DPYD: variants seen among roughly 807,000 people sequenced by gnomAD.
DPYD encodes the protein dihydropyrimidine dehydrogenase.
In DPYD, 109 loss-of-function variants were observed where a neutral mutation model predicts 116.2. That is an observed-to-expected ratio of 0.94 (90% confidence interval 0.80 to 1.10). The LOEUF is 1.10. Among genes scored for constraint, DPYD ranks in the 50% least tolerant of loss-of-function variants. The probability of loss-of-function intolerance (pLI) is 0.00; values close to 1 mark genes in which losing one functional copy is unlikely to be tolerated. For missense variants in DPYD, 1,302 were observed against 1,254.5 expected, an observed-to-expected ratio of 1.04 and a Z score of -0.57; for synonymous variants, 440 against 432.0, an observed-to-expected ratio of 1.02 and a Z score of -0.23.
At chr1:97,585,531 G>C (rs1654031346) in intron 10 of DPYD, among the ~76,000 whole-genome samples, 1 of 152,030 alleles carries the variant, frequency 6.6e-6, no homozygotes, top group African/African-American at 2.4e-5. Flanking sequence ...TGAAAAGGTA[G>C]AATGGAATTT....
At chr1:97,720,239 T>C (rs918558266) in intron 5 of DPYD, 2 of 984,806 alleles carry the variant, frequency 2.0e-6, no homozygotes, top group African/African-American at 3.5e-5. Context: ...ATCATTTTAA[T>C]TCATTTTGTT....
chr1:97,496,906 T>TA (rs1187631129), intron 13 of DPYD, among the ~76,000 whole-genome samples: 1 of 151,958 alleles, frequency 6.6e-6, no homozygotes, highest in Admixed American at 6.6e-5. Flanking sequence ...TAAAATACTA[T>TA]AAAAATACAA....
At chr1:97,222,065 G>T (rs1660814870) in intron 19 of DPYD, among the ~76,000 whole-genome samples, 1 of 152,054 alleles carries the variant, frequency 6.6e-6, no homozygotes, top group Non-Finnish European at 1.5e-5. Flanking sequence ...ACAATGTTTA[G>T]AAAGTAATAT....
chr1:97,262,671 A>G (rs924155908), intron 18 of DPYD, among the ~76,000 whole-genome samples: 1 of 152,054 alleles, frequency 6.6e-6, no homozygotes, highest in African/African-American at 2.4e-5. Flanking sequence ...CTTTTACCAG[A>G]AGCTATATAA....
intron 1 of DPYD, among the ~76,000 whole-genome samples, chr1:97,909,861 T>G (rs1008443869): frequency 1.3e-5 from 2 of 152,112 alleles, no homozygotes; most frequent in Non-Finnish European, 2.9e-5. Context: ...TACTTTCAGC[T>G]GCCTACGTGG....
chr1:97,584,521 T>C (rs1348803697), intron 10 of DPYD, among the ~76,000 whole-genome samples: 1 of 152,154 alleles, frequency 6.6e-6, no homozygotes, highest in Non-Finnish European at 1.5e-5. Context: ...CTAGGTCTTC[T>C]TCCAGGGTTT....
intron 8 of DPYD, among the ~76,000 whole-genome samples, chr1:97,662,872 CA>C (rs531399162): frequency 1.9e-3 from 296 of 152,254 alleles, no homozygotes; most frequent in Non-Finnish European, 3.6e-3. Flanking sequence ...GTGAATATCA[CA>C]CTCTGTGGAA....
chr1:97,510,806 T>A (rs185489245), intron 13 of DPYD, among the ~76,000 whole-genome samples: 73 of 152,056 alleles, frequency 4.8e-4, no homozygotes, highest in African/African-American at 1.5e-3. Context: ...CTTTGGAGTC[T>A]TTGTGTCAAG....
chr1:97,677,269 G>A (rs886346956), intron 8 of DPYD, among the ~76,000 whole-genome samples: 2 of 152,068 alleles, frequency 1.3e-5, no homozygotes, highest in Admixed American at 1.3e-4. Flanking sequence ...AAGATTCTTT[G>A]TAGATGAAGT....
At chr1:97,564,646 T>A (rs544192938) in intron 11 of DPYD, among the ~76,000 whole-genome samples, 5 of 152,278 alleles carry the variant, frequency 3.3e-5, no homozygotes, top group Admixed American at 6.5e-5. Context: ...ATCTGTGAGT[T>A]CTGTCAGCAC....
chr1:97,515,322 T>C (rs1474158390), intron 13 of DPYD, among the ~76,000 whole-genome samples: 1 of 151,896 alleles, frequency 6.6e-6, no homozygotes, highest in Non-Finnish European at 1.5e-5. Context: ...TTATCACCAA[T>C]ACCAATAAGT....
At position 97,485,297 on chromosome 1, in the gene DPYD, G is replaced by C. The variant is rs111747728; in HGVS notation, c.1740+30429C>G. Among the ~76,000 whole-genome samples the C allele has an allele frequency of 5.0e-3, 754 of 152,254 alleles. 11 individuals carry two copies. The highest frequency in any genetic ancestry group is 0.017 in the African/African-American group (723 of 41,560). ...GCTCACTGCAACCTCCACCTCCCGG[G>C]TTCAAGCAATTTTCATGCCTCAGCC... On this transcript the variant is annotated intron_variant, in intron 13 of 22. Coordinates refer to ENST00000370192, the MANE Select transcript of DPYD (RefSeq NM_000110.4).
At chr1:97,160,461 T>C (rs1655807582) in intron 20 of DPYD, among the ~76,000 whole-genome samples, 1 of 152,016 alleles carries the variant, frequency 6.6e-6, no homozygotes, top group Non-Finnish European at 1.5e-5. Flanking sequence ...ATATACTACC[T>C]GAAAAATGTG....
intron 16 of DPYD, among the ~76,000 whole-genome samples, chr1:97,314,172 G>T (rs1667678524): frequency 6.6e-6 from 1 of 151,878 alleles, no homozygotes; most frequent in Admixed American, 6.6e-5. Flanking sequence ...ACCCACCTGA[G>T]GACCCAGGCT....
Position 97,865,626 on chromosome 1 carries a change from T to A in DPYD, c.150+17638A>T, listed in dbSNP as rs553434310. ...TTCTAAAAATAACAGTAAATGTGTG[T>A]GTTTAACAGTATAAGAGGTAGATCT... is the stretch of plus-strand genomic sequence containing the variant. On this transcript the variant is annotated intron_variant, in intron 2 of 22. Transcript: ENST00000370192. Among the ~76,000 whole-genome samples, 6 of 152,056 alleles carry A rather than the reference T, an allele frequency of 3.9e-5. No homozygotes were observed. The East Asian group carries it at 1.2e-3, about 30-fold the overall frequency.
At chr1:97,491,963 T>C (rs1679000316) in intron 13 of DPYD, among the ~76,000 whole-genome samples, 1 of 152,128 alleles carries the variant, frequency 6.6e-6, no homozygotes, top group East Asian at 1.9e-4. Flanking sequence ...ATACATCTCA[T>C]GTATTCTGCG....
At chr1:97,278,662 T>A (rs972429770) in intron 18 of DPYD, among the ~76,000 whole-genome samples, 1 of 152,184 alleles carries the variant, frequency 6.6e-6, no homozygotes. Context: ...CAAATGAGGA[T>A]AATCTGATGT....
chr1:97,729,590 A>T (rs1212184738), intron 4 of DPYD, among the ~76,000 whole-genome samples: 1 of 152,156 alleles, frequency 6.6e-6, no homozygotes, highest in Non-Finnish European at 1.5e-5. Context: ...AAATACAGAA[A>T]GAAAGAAGCA....
chr1:97,336,613 G>A (rs1669296779), intron 16 of DPYD, among the ~76,000 whole-genome samples: 1 of 152,114 alleles, frequency 6.6e-6, no homozygotes, highest in Non-Finnish European at 1.5e-5. Context: ...AGCCTGGCAC[G>A]GTGGCGTGTA....
Sources: allele counts gnomAD v4.1 joint callset (sites outside exome capture counted in the v4.1 genomes callset), GRCh38; gene constraint gnomAD v4.1.1; transcripts MANE v1.5; gene names NCBI Gene and HGNC (gene_info 2026-07-23, HGNC 2026-07-21).